RANBP9: variants seen among roughly 807,000 people sequenced by gnomAD.
RANBP9 encodes ran-binding protein 9.
A neutral mutation model predicts 84.3 loss-of-function variants in RANBP9; 15 were observed. The observed-to-expected ratio is 0.18, with a 90% CI of 0.12 to 0.27. The LOEUF is 0.27. RANBP9 is among the 10% of genes least tolerant of loss of function. The probability of loss-of-function intolerance (pLI) is 1.00; values close to 1 mark genes in which losing one functional copy is unlikely to be tolerated. For synonymous variants in RANBP9, 392 were observed against 349.6 expected (o/e 1.12, Z -1.35); for missense variants, 809 against 912.8 (o/e 0.89, Z 1.46).
intron 2 of RANBP9, among the ~76,000 whole-genome samples, chr6:13,685,114 T>C (rs1348881559): frequency 1.3e-5 from 2 of 152,184 alleles, no homozygotes; most frequent in Admixed American, 1.3e-4. Flanking sequence ...TCATAAGCCT[T>C]AAAAATGTGC....
intron 10 of RANBP9, among the ~76,000 whole-genome samples, chr6:13,635,965 ATTAAG>A (rs1190942343): frequency 1.3e-5 from 2 of 152,098 alleles, no homozygotes; most frequent in African/African-American, 2.4e-5. Context: ...TAAAAAGCTA[ATTAAG>A]TTATTATATT....
intron 2 of RANBP9, among the ~76,000 whole-genome samples, chr6:13,673,530 G>A (rs1424063331): frequency 6.6e-6 from 1 of 152,176 alleles, no homozygotes; most frequent in African/African-American, 2.4e-5. Flanking sequence ...ACATAGATAA[G>A]TATTCAAAAT....
chr6:13,697,355 T>C (rs2113358340), intron 1 of RANBP9, among the ~76,000 whole-genome samples: 1 of 152,328 alleles, frequency 6.6e-6, no homozygotes, highest in East Asian at 1.9e-4. Flanking sequence ...CTAAGTGAAA[T>C]CTTACACAAT....
intron 5 of RANBP9, among the ~76,000 whole-genome samples, chr6:13,649,781 C>T (rs1318190886): frequency 6.6e-6 from 1 of 152,140 alleles, no homozygotes; most frequent in African/African-American, 2.4e-5. Context: ...CCAAAGTCCT[C>T]CAGAGTTATC....
intron 2 of RANBP9, among the ~76,000 whole-genome samples, chr6:13,681,140 T>C (rs1248972901): frequency 6.6e-6 from 1 of 152,214 alleles, no homozygotes; most frequent in Non-Finnish European, 1.5e-5. Flanking sequence ...GAGTATCACA[T>C]GCATCATGCT....
At chr6:13,659,257 TACACACACACACACAC>T (rs60255234) in intron 2 of RANBP9, among the ~76,000 whole-genome samples, 17 of 130,556 alleles carry the variant, frequency 1.3e-4, no homozygotes, top group Non-Finnish European at 2.3e-4. Context: ...CACACACACA[TACACACACACACACAC>T]ACACACACAC....
intron 2 of RANBP9, among the ~76,000 whole-genome samples, chr6:13,660,837 T>C (rs1318475351): frequency 6.6e-5 from 10 of 152,194 alleles, no homozygotes; most frequent in African/African-American, 2.4e-4. Context: ...AGTTTGTATT[T>C]TGATTCAGCC....
rs533890224 is a variant in RANBP9 at position 13,633,520 on chromosome 6, A to G, written c.1795+911T>C. On this transcript the variant is annotated intron_variant, in intron 11 of 13. Transcript: ENST00000011619. ...ATGAGGTCGTTATTATACCCATTTT[A>G]CAGATGAAGAAACTGAGACACAGAG... Among the ~76,000 whole-genome samples the G allele has an allele frequency of 2.0e-5, 3 of 152,328 alleles. 1 individual carries two copies. In the East Asian group the frequency reaches 5.8e-4, roughly 29 times the overall value.
chr6:13,693,323 T>C (rs368708232), intron 2 of RANBP9, among the ~76,000 whole-genome samples: 6 of 152,156 alleles, frequency 3.9e-5, no homozygotes, highest in African/African-American at 1.2e-4. Context: ...TAATTAGTCA[T>C]TAGGGAAATA....
chr6:13,709,191 C>T (rs1040890472), intron 1 of RANBP9, among the ~76,000 whole-genome samples: 3 of 152,164 alleles, frequency 2.0e-5, no homozygotes, highest in Non-Finnish European at 4.4e-5. Context: ...ATCAAGACAC[C>T]TTACAGTACT....
At chr6:13,651,788 T>A (rs981918356) in intron 5 of RANBP9, among the ~76,000 whole-genome samples, 1 of 152,086 alleles carries the variant, frequency 6.6e-6, no homozygotes, top group African/African-American at 2.4e-5. Flanking sequence ...GTCTTTGTAT[T>A]TCACTCAGAG....
chr6:13,658,737 G>A, intron 3 of RANBP9, 43 bp downstream of exon 3: 1 of 1,432,946 alleles, frequency 7.0e-7, no homozygotes, highest in Non-Finnish European at 9.8e-7. Context: ...ACCAGAAAGA[G>A]CTACTCATAA....
chr6:13,641,597 TAA>T, intron 7 of RANBP9, among the ~76,000 whole-genome samples: 1 of 152,224 alleles, frequency 6.6e-6, no homozygotes, highest in African/African-American at 2.4e-5. Flanking sequence ...ACACTGAGAT[TAA>T]AAAGACTGTT....
intron 2 of RANBP9, among the ~76,000 whole-genome samples, chr6:13,689,038 G>C (rs1766264255): frequency 7.0e-6 from 1 of 142,022 alleles, no homozygotes; most frequent in African/African-American, 2.6e-5. Context: ...CATAGTCCCA[G>C]CTACCTGGGA....
At chr6:13,701,141 A>C (rs937400165) in intron 1 of RANBP9, among the ~76,000 whole-genome samples, 7 of 152,054 alleles carry the variant, frequency 4.6e-5, no homozygotes, top group African/African-American at 1.7e-4. Context: ...CATGGTAATC[A>C]CTTAAAGCTC....
intron 2 of RANBP9, among the ~76,000 whole-genome samples, chr6:13,669,884 G>C (rs2113305636): frequency 6.6e-6 from 1 of 152,070 alleles, no homozygotes; most frequent in East Asian, 1.9e-4. Context: ...GTGAGCCACA[G>C]CATCTGGTAG....
At chr6:13,664,944 T>G (rs1765615047) in intron 2 of RANBP9, among the ~76,000 whole-genome samples, 1 of 151,748 alleles carries the variant, frequency 6.6e-6, no homozygotes, top group South Asian at 2.1e-4. Context: ...GATTAAGGAG[T>G]CTAACAAAGA....
chr6:13,664,188 T>C (rs1434624430), intron 2 of RANBP9, among the ~76,000 whole-genome samples: 4 of 152,074 alleles, frequency 2.6e-5, no homozygotes, highest in Non-Finnish European at 4.4e-5. Flanking sequence ...ACAAAGTTAA[T>C]ATACAAAGTC....
intron 7 of RANBP9, 142 bp from the exon 8 acceptor site, chr6:13,641,449 T>G: frequency 1.8e-6 from 1 of 570,118 alleles, no homozygotes; most frequent in East Asian, 3.3e-5. Context: ...CATCATAGTT[T>G]CCATTAGGCA....
Sources: allele counts gnomAD v4.1 joint callset (sites outside exome capture counted in the v4.1 genomes callset), GRCh38; gene constraint gnomAD v4.1.1; transcripts MANE v1.5; gene names NCBI Gene and HGNC (gene_info 2026-07-23, HGNC 2026-07-21).